Variants in TET3 observed in about 807,000 individuals in gnomAD.
The protein encoded by TET3 is methylcytosine dioxygenase TET3.
Under a neutral mutation model 141.4 loss-of-function variants are expected in TET3, and 19 were observed. The observed-to-expected ratio is 0.13, with a 90% CI of 0.09 to 0.20. TET3 has a LOEUF of 0.20. Ranked by LOEUF, TET3 falls within the 10% of genes least tolerant of loss-of-function variation. TET3 has a pLI of 1.00. For missense variants in TET3, 1,874 were observed against 2,356.9 expected, an observed-to-expected ratio of 0.80 and a Z score of 4.24; for synonymous variants, 1,043 against 980.9, an observed-to-expected ratio of 1.06 and a Z score of -1.18.
chr2:74,100,825 C>G lies in TET3; in HGVS notation c.4037C>G (p.Pro1346Arg), dbSNP rs1013661683. 1.2e-6 allele frequency: 2 copies of G among 1,612,250 alleles called. No homozygotes were observed. The highest frequency in any genetic ancestry group is 8.5e-7 in the Non-Finnish European group (1 of 1,179,356). Residue 1346 changes from proline to arginine, a missense_variant, in exon 12 of 12, where the codon CCC (proline) becomes CGC (arginine). Coordinates refer to ENST00000409262, the MANE Select transcript of TET3 (RefSeq NM_001287491.2). ...GCCGAGCTGCCCAGCCAGGCTGTTC[C>G]CACAGACGCCCACCACCCCACTCCT... ...EFAELPSQAVPTDAHHPTPHH... is the reference protein window; with the variant it reads ...EFAELPSQAVRTDAHHPTPHH...
intron 6 of TET3, among the ~76,000 whole-genome samples, chr2:74,084,669 G>T (rs1257012590): frequency 6.6e-6 from 1 of 152,070 alleles, no homozygotes; most frequent in Non-Finnish European, 1.5e-5. Flanking sequence ...TAGCCAGGAT[G>T]GTCTCGATCT....
At chr2:74,023,809 A>G (rs1686196665) in intron 3 of TET3, among the ~76,000 whole-genome samples, 1 of 152,082 alleles carries the variant, frequency 6.6e-6, no homozygotes, top group Admixed American at 6.5e-5. Context: ...TTATATTTCT[A>G]ATATTTGTTT....
chr2:73,990,754 T>C (rs901433129), intron 2 of TET3, among the ~76,000 whole-genome samples: 35 of 152,192 alleles, frequency 2.3e-4, no homozygotes, highest in African/African-American at 8.4e-4. Flanking sequence ...TACCTTGGAA[T>C]TGGGAATCTT....
At chr2:74,090,114 G>A (rs766291426) in intron 8 of TET3, 67 bp downstream of exon 8, 137 of 1,591,012 alleles carry the variant, frequency 8.6e-5, no homozygotes, top group Non-Finnish European at 1.1e-4. Context: ...ATGGTCCAGC[G>A]GGAGGTAGTA....
At chr2:74,080,710 G>T in intron 6 of TET3, 119 bp downstream of exon 6, 2 of 314,794 alleles carry the variant, frequency 6.4e-6, no homozygotes, top group Admixed American at 8.4e-5. Flanking sequence ...GGGGGGTGGG[G>T]CCAGGTGGGT....
At chr2:73,995,198 G>T (rs762597125) in intron 2 of TET3, among the ~76,000 whole-genome samples, 7 of 152,218 alleles carry the variant, frequency 4.6e-5, no homozygotes, top group Non-Finnish European at 7.3e-5. Context: ...GACCTCAGGC[G>T]ATCCGCCTAC....
chr2:74,097,731 G>A (rs1218592946), intron 10 of TET3, among the ~76,000 whole-genome samples: 2 of 152,182 alleles, frequency 1.3e-5, no homozygotes, highest in Admixed American at 6.5e-5. Flanking sequence ...GAGCTATGGG[G>A]TGGTTCCTCG....
chr2:73,994,225 T>G (rs896425938), intron 2 of TET3, among the ~76,000 whole-genome samples: 4 of 152,182 alleles, frequency 2.6e-5, no homozygotes, highest in Non-Finnish European at 4.4e-5. Flanking sequence ...TCTTGAAATC[T>G]GTCAGAGTGG....
intron 4 of TET3, among the ~76,000 whole-genome samples, chr2:74,064,084 G>T (rs181263724): frequency 7.2e-5 from 11 of 152,240 alleles, no homozygotes; most frequent in Admixed American, 7.2e-4. Flanking sequence ...CATTTCATCA[G>T]TTGGAAGAAG....
At chr2:74,071,894 C>A (rs897217912) in intron 4 of TET3, among the ~76,000 whole-genome samples, 1 of 152,174 alleles carries the variant, frequency 6.6e-6, no homozygotes, top group Non-Finnish European at 1.5e-5. Flanking sequence ...AAAATTCATC[C>A]ATGTTGTTAC....
At chr2:73,992,908 G>A (rs17009553) in intron 2 of TET3, among the ~76,000 whole-genome samples, 6,194 of 152,316 alleles carry the variant, frequency 0.041, 177 homozygotes, top group Middle Eastern at 0.085. Flanking sequence ...TGAGGCAAAT[G>A]AACAGATCTA....
At chr2:74,118,111 A>G in the TET3 span, among the ~76,000 whole-genome samples, 1 of 152,254 alleles carries the variant, frequency 6.6e-6, no homozygotes, top group East Asian at 1.9e-4. Flanking sequence ...CTGTGACGCT[A>G]ATCATCTCCA....
In TET3 at chr2:74,104,866, T is replaced by C. The variant is rs1001567197; in HGVS notation, c.*2690T>C. On this transcript the variant is annotated 3_prime_UTR_variant, in exon 12 of 12. Coordinates refer to ENST00000409262, the MANE Select transcript of TET3 (RefSeq NM_001287491.2). ...CTGAGAGGTGAGTCAAGAGGCAGTC[T>C]CCATTGGATGTCCCCACTCCCCGCA... 23 of 279,458 alleles carry C rather than the reference T, an allele frequency of 8.2e-5. No individual in the cohort carries two copies. Among genetic ancestry groups the C allele is most frequent in the African/African-American group, 5.0e-4 (23 of 46,110 alleles). The allele number at this position is 279,458 out of a possible 1,614,324, so 17.3% of individuals were successfully genotyped here.
At chr2:74,028,074 C>T (rs2105278082) in intron 3 of TET3, among the ~76,000 whole-genome samples, 2 of 151,688 alleles carry the variant, frequency 1.3e-5, no homozygotes, top group East Asian at 3.9e-4. Flanking sequence ...ACCTGGAACC[C>T]CTGGGCTCAG....
chr2:74,128,703 A>G, the TET3 span, among the ~76,000 whole-genome samples: 3 of 151,950 alleles, frequency 2.0e-5, no homozygotes, highest in Non-Finnish European at 4.4e-5. Flanking sequence ...TATTAGAAAA[A>G]AAAAAAGGCT....
chr2:74,067,026 G>A (rs1688942615), intron 4 of TET3, among the ~76,000 whole-genome samples: 1 of 152,004 alleles, frequency 6.6e-6, no homozygotes, highest in Non-Finnish European at 1.5e-5. Context: ...ATACCGTGTG[G>A]TCTCCTAGCA....
chr2:74,114,667 C>T, the TET3 span, among the ~76,000 whole-genome samples: 1 of 151,778 alleles, frequency 6.6e-6, no homozygotes, highest in Non-Finnish European at 1.5e-5. Context: ...GCCTGGCCAA[C>T]ATGGTGAAAC....
At chr2:73,998,529 G>A (rs1684702012) in intron 2 of TET3, 1 of 152,488 alleles carries the variant, frequency 6.6e-6, no homozygotes, top group African/African-American at 2.4e-5. Context: ...AAGGAGAGAA[G>A]CATCTTTTCT....
intron 5 of TET3, among the ~76,000 whole-genome samples, chr2:74,078,601 A>T (rs1042819695): frequency 6.6e-6 from 1 of 152,146 alleles, no homozygotes; most frequent in Admixed American, 6.5e-5. Context: ...TCTGTTGTTG[A>T]TGAGACAGTG....
Sources: allele counts gnomAD v4.1 joint callset (sites outside exome capture counted in the v4.1 genomes callset), GRCh38; gene constraint gnomAD v4.1.1; transcripts MANE v1.5; gene names NCBI Gene and HGNC (gene_info 2026-07-23, HGNC 2026-07-21).